Variants in GABRA4 observed in about 807,000 individuals in gnomAD.
GABRA4 encodes the protein gamma-aminobutyric acid type A receptor subunit alpha4, also known as gamma-aminobutyric acid receptor subunit alpha-4.
Under a neutral mutation model 49.7 loss-of-function variants are expected in GABRA4, and 12 were observed. That is an observed-to-expected ratio of 0.24 (90% CI 0.15 to 0.39). The LOEUF (loss-of-function observed/expected upper bound fraction) is 0.39. GABRA4 is among the 10% of genes least tolerant of loss of function. The probability of loss-of-function intolerance (pLI) is 1.00; values close to 1 mark genes in which losing one functional copy is unlikely to be tolerated. For synonymous variants in GABRA4, 288 were observed against 240.2 expected, an observed-to-expected ratio of 1.20 and a Z score of -1.84; for missense variants, 506 against 686.0, an observed-to-expected ratio of 0.74 and a Z score of 2.93.
At chr4:46,935,644 GAAC>G (rs1721579450) in intron 8 of GABRA4, among the ~76,000 whole-genome samples, 1 of 150,864 alleles carries the variant, frequency 6.6e-6, no homozygotes, top group Admixed American at 6.6e-5. Flanking sequence ...ACAGGGAGGG[GAAC>G]ATCATACACT....
rs1449194886 is a variant in GABRA4 at position 46,919,281 on chromosome 4, C to T, written c.*8944G>A. 6.6e-6 allele frequency: 1 copy of T among 151,408 alleles called. No homozygotes were observed. Among genetic ancestry groups the T allele is most frequent in the Non-Finnish European group, 1.5e-5 (1 of 67,490 alleles). The allele number at this position is 151,408 out of a possible 1,614,324, so 9.4% of individuals were successfully genotyped here. A position where few individuals can be genotyped will look rare whatever the true frequency, so the allele number is the denominator to read the frequency against. On this transcript the variant is annotated 3_prime_UTR_variant, in exon 9 of 9. Coordinates refer to ENST00000264318, the MANE Select transcript of GABRA4 (RefSeq NM_000809.4). ...TAGTAAACCAATATTTGATAATGCT[C>T]CTTTTTTTCAAAATAAATTTGCAAA...
At chr4:46,975,697 A>G (rs1218723643) in intron 5 of GABRA4, among the ~76,000 whole-genome samples, 1 of 151,942 alleles carries the variant, frequency 6.6e-6, no homozygotes, top group African/African-American at 2.4e-5. Flanking sequence ...CCTTCTGAAG[A>G]GAGCTTTTTC....
intron 8 of GABRA4, among the ~76,000 whole-genome samples, chr4:46,957,831 G>A: frequency 6.6e-6 from 1 of 151,576 alleles, no homozygotes; most frequent in East Asian, 1.9e-4. Flanking sequence ...TTTACTCAAT[G>A]GTAAAAACAT....
Position 46,971,119 on chromosome 4 carries a change from T to A in GABRA4, c.838A>T (p.Ile280Leu). 1 of 1,609,560 alleles carries A rather than the reference T, an allele frequency of 6.2e-7. No individual in the cohort carries two copies. Among genetic ancestry groups the A allele is most frequent in the Non-Finnish European group, 8.5e-7 (1 of 1,177,166 alleles). Residue 280 changes from isoleucine to leucine, a missense_variant, in exon 7 of 9, where the codon ATA becomes TTA. Ile to Leu is a conservative substitution (Grantham distance 5). Coordinates refer to ENST00000264318, the MANE Select transcript of GABRA4 (RefSeq NM_000809.4). ...CTAGCGGGAACTGATTCTTTATTTA[T>A]CCAAAATGAAACTTGAGAAAGAATC... The part of the protein sequence containing the change: ...TVILSQVSFW[I>L]NKESVPARTV...
chr4:46,983,240 A>G (rs1438002704), intron 2 of GABRA4, among the ~76,000 whole-genome samples: 2 of 152,126 alleles, frequency 1.3e-5, no homozygotes. Flanking sequence ...GTGGAATTTC[A>G]TATCTAGAAT....
intron 8 of GABRA4, among the ~76,000 whole-genome samples, chr4:46,953,351 A>C (rs1218417855): frequency 6.6e-6 from 1 of 152,084 alleles, no homozygotes; most frequent in Non-Finnish European, 1.5e-5. Context: ...TTATATCACT[A>C]TACTCTGTCT....
Position 46,965,064 on chromosome 4 carries a change from T to C in GABRA4, c.1040A>G (p.Gln347Arg). The change falls in exon 8 of 9, where the codon CAA becomes CGA. Residue 347 changes from glutamine to arginine, a missense_variant. Around this residue, in one of 5 missense-constraint regions of GABRA4, gnomAD observed 243 missense variants for 210.8 expected, o/e 1.15. Coordinates refer to ENST00000264318, the MANE Select transcript of GABRA4 (RefSeq NM_000809.4). ...FAAVNYFTNI[Q>R]MEKAKRKTSK... ...TGTCTTCCTTTTGGCTTTTTCCATT[T>C]GAATATTGGTGAAATAGTTGACAGC... 2.5e-6 allele frequency: 4 copies of C among 1,612,092 alleles called. No homozygotes were observed. Among genetic ancestry groups the C allele is most frequent in the Non-Finnish European group, 3.4e-6 (4 of 1,178,822 alleles).
intron 6 of GABRA4, among the ~76,000 whole-genome samples, chr4:46,973,785 T>C (rs1206957708): frequency 1.3e-5 from 2 of 151,792 alleles, no homozygotes; most frequent in African/African-American, 4.8e-5. Flanking sequence ...TAATATACTT[T>C]GTAATTAAGT....
chr4:46,992,769 A>T (rs1723805626), intron 2 of GABRA4, 59 bp downstream of exon 2: 1 of 1,193,366 alleles, frequency 8.4e-7, no homozygotes, highest in African/African-American at 1.5e-5. Flanking sequence ...AGACAGACAG[A>T]CAGGAAGACC....
chr4:46,993,042 T>A, intron 1 of GABRA4, 96 bp from the exon 2 acceptor site: 1 of 952,574 alleles, frequency 1.0e-6, no homozygotes. Flanking sequence ...AGGGAAAGAG[T>A]CGCTTGCCCC....
At chr4:46,967,236 G>A (rs913063871) in intron 7 of GABRA4, among the ~76,000 whole-genome samples, 6 of 151,452 alleles carry the variant, frequency 4.0e-5, no homozygotes, top group Non-Finnish European at 7.4e-5. Flanking sequence ...GAACAGTGCA[G>A]TATAAATAAT....
At chr4:46,989,721 T>C (rs1723676623) in intron 2 of GABRA4, among the ~76,000 whole-genome samples, 1 of 152,208 alleles carries the variant, frequency 6.6e-6, no homozygotes, top group Non-Finnish European at 1.5e-5. Flanking sequence ...TTGTTTGAAA[T>C]GGAACACAGC....
At chr4:46,982,768 G>C (rs144035024) in intron 2 of GABRA4, among the ~76,000 whole-genome samples, 1 of 151,912 alleles carries the variant, frequency 6.6e-6, no homozygotes, top group Non-Finnish European at 1.5e-5. Context: ...TCTGACAATG[G>C]TATTGACAAT....
At position 46,928,765 on chromosome 4, in the gene GABRA4, T is replaced by A. The variant is rs200229421; in HGVS notation, c.1135-10A>T. ...AATTGGCATTTGTATTCTGAAAAGG[T>A]ATATGAAAAAATATATTGGTTATGT... On this transcript the variant is annotated splice_polypyrimidine_tract_variant and intron_variant, in intron 8 of 8. Transcript: ENST00000264318. 3.4e-5 allele frequency: 54 copies of A among 1,575,446 alleles called. No individual in the cohort carries two copies. Among genetic ancestry groups the A allele is most frequent in the Non-Finnish European group, 4.2e-5 (49 of 1,153,004 alleles).
At chr4:46,949,348 C>T (rs1445035353) in intron 8 of GABRA4, among the ~76,000 whole-genome samples, 1 of 152,096 alleles carries the variant, frequency 6.6e-6, no homozygotes, top group Non-Finnish European at 1.5e-5. Flanking sequence ...AATACTTTAG[C>T]AAATGTTCAC....
intron 7 of GABRA4, among the ~76,000 whole-genome samples, chr4:46,966,499 T>C (rs1200094337): frequency 6.6e-6 from 1 of 151,778 alleles, no homozygotes. Flanking sequence ...CTACTACTGT[T>C]CCTTAACTGA....
chr4:46,991,284 G>A (rs1213546174), intron 2 of GABRA4, among the ~76,000 whole-genome samples: 1 of 152,156 alleles, frequency 6.6e-6, no homozygotes, highest in Admixed American at 6.5e-5. Context: ...TTGGAATTCA[G>A]AAGACCTGAT....
chr4:46,984,771 G>C (rs1007801978), intron 2 of GABRA4, among the ~76,000 whole-genome samples: 1 of 151,826 alleles, frequency 6.6e-6, no homozygotes, highest in Non-Finnish European at 1.5e-5. Context: ...ACCATTTCAA[G>C]ATATATATAT....
intron 8 of GABRA4, among the ~76,000 whole-genome samples, chr4:46,938,113 A>G (rs568623145): frequency 1.4e-4 from 22 of 152,300 alleles, no homozygotes; most frequent in African/African-American, 4.8e-4. Context: ...TAATATATAT[A>G]GAGAGAGATC....
Sources: gnomAD v4.1 joint callset for allele counts (sites outside exome capture counted in the v4.1 genomes callset) on GRCh38, gnomAD v4.1.1 for gene constraint, gnomAD v4.1.1 regional missense constraint, MANE v1.5 for transcripts, NCBI Gene and HGNC (gene_info 2026-07-23, HGNC 2026-07-21) for gene names.